Variants in STXBP5 observed in about 807,000 individuals in gnomAD.
The protein encoded by STXBP5 is syntaxin binding protein 5, also known as syntaxin-binding protein 5.
In STXBP5, 50 loss-of-function variants were observed where a neutral mutation model predicts 152.4. The observed-to-expected ratio is 0.33, with a 90% CI of 0.26 to 0.42. The LOEUF is 0.42. Among genes scored for constraint, STXBP5 ranks in the 10% least tolerant of loss-of-function variants. The pLI is 1.00. For synonymous variants in STXBP5, 492 were observed against 494.7 expected, an observed-to-expected ratio of 0.99 and a Z score of 0.07; for missense variants, 1,167 against 1,388.6, an observed-to-expected ratio of 0.84 and a Z score of 2.54.
chr6:147,224,293 G>A (rs1777602227), intron 2 of STXBP5, among the ~76,000 whole-genome samples: 1 of 152,276 alleles, frequency 6.6e-6, no homozygotes, highest in South Asian at 2.1e-4. Flanking sequence ...GGGCATGGTG[G>A]TGCATGCCTG....
chr6:147,257,938 C>T (rs1779453584), intron 4 of STXBP5, among the ~76,000 whole-genome samples: 1 of 152,148 alleles, frequency 6.6e-6, no homozygotes, highest in Non-Finnish European at 1.5e-5. Flanking sequence ...TATCTGGCTG[C>T]ACGACTAGGT....
chr6:147,276,464 T>C (rs1049658822), intron 7 of STXBP5, among the ~76,000 whole-genome samples: 1 of 152,120 alleles, frequency 6.6e-6, no homozygotes, highest in African/African-American at 2.4e-5. Context: ...AGATACACAT[T>C]GTTTTCTTTA....
At chr6:147,301,372 T>C (rs1411581136) in intron 9 of STXBP5, among the ~76,000 whole-genome samples, 1 of 152,196 alleles carries the variant, frequency 6.6e-6, no homozygotes, top group East Asian at 1.9e-4. Flanking sequence ...ATTATGGCAC[T>C]TGGTCTTACG....
Position 147,267,079 on chromosome 6 carries a change from C to T in STXBP5, c.631-5C>T. The T allele has an allele frequency of 6.2e-7, 1 of 1,604,178 alleles. No individual in the cohort carries two copies. Among genetic ancestry groups the T allele is most frequent in the South Asian group, 1.1e-5 (1 of 88,636 alleles). On this transcript the variant is annotated splice_polypyrimidine_tract_variant and splice_region_variant and intron_variant, in intron 6 of 27. Coordinates refer to ENST00000321680, the MANE Select transcript of STXBP5 (RefSeq NM_001127715.4). Reference sequence around the variant, plus strand: ...TAGGTAATGTGCCTTTTTCTTTTATCACAGCTTTTGATTGGCTTTGAATCT... The same window carrying T: ...TAGGTAATGTGCCTTTTTCTTTTATTACAGCTTTTGATTGGCTTTGAATCT...
chr6:147,270,121 G>A (rs910090219), intron 7 of STXBP5, among the ~76,000 whole-genome samples: 2 of 152,026 alleles, frequency 1.3e-5, no homozygotes, highest in Admixed American at 6.6e-5. Flanking sequence ...AGCAGAGGCC[G>A]GGTGCGGTGG....
intron 8 of STXBP5, among the ~76,000 whole-genome samples, chr6:147,278,437 T>C (rs1396021697): frequency 6.6e-6 from 1 of 152,128 alleles, no homozygotes; most frequent in East Asian, 1.9e-4. Flanking sequence ...TTTTAGAAAA[T>C]GTTATATTAT....
chr6:147,383,101 C>A, intron 27 of STXBP5, 103 bp downstream of exon 27: 1 of 1,316,222 alleles, frequency 7.6e-7, no homozygotes, highest in Non-Finnish European at 1.0e-6. Flanking sequence ...CATGAATTTG[C>A]ATATATTCAT....
At chr6:147,335,692 C>G (rs1278421503) in intron 19 of STXBP5, among the ~76,000 whole-genome samples, 2 of 151,866 alleles carry the variant, frequency 1.3e-5, no homozygotes, top group Non-Finnish European at 2.9e-5. Flanking sequence ...CCCAGCTACT[C>G]GGGAGGCTGA....
At chr6:147,332,488 C>G (rs1189255430) in intron 18 of STXBP5, among the ~76,000 whole-genome samples, 1 of 152,156 alleles carries the variant, frequency 6.6e-6, no homozygotes, top group Non-Finnish European at 1.5e-5. Flanking sequence ...GGAAAACAGT[C>G]AGTCAAACAA....
intron 22 of STXBP5, among the ~76,000 whole-genome samples, chr6:147,357,243 C>T (rs1784857002): frequency 6.6e-6 from 1 of 151,966 alleles, no homozygotes; most frequent in African/African-American, 2.4e-5. Flanking sequence ...TTGACAGTAA[C>T]TGAAGTGGAA....
intron 10 of STXBP5, among the ~76,000 whole-genome samples, chr6:147,310,925 G>T (rs1016720474): frequency 2.0e-5 from 3 of 151,852 alleles, no homozygotes; most frequent in Non-Finnish European, 4.4e-5. Flanking sequence ...CCAAACAGCT[G>T]GGGGCACCAT....
At chr6:147,213,473 T>TGC (rs1402421132) in intron 2 of STXBP5, among the ~76,000 whole-genome samples, 1 of 126,426 alleles carries the variant, frequency 7.9e-6, no homozygotes, top group Non-Finnish European at 1.8e-5. Flanking sequence ...TGTGTGTGTG[T>TGC]GTGTGCGCGC....
chr6:147,348,088 T>C (rs1487895252), intron 21 of STXBP5, among the ~76,000 whole-genome samples: 2 of 152,194 alleles, frequency 1.3e-5, no homozygotes, highest in Non-Finnish European at 1.5e-5. Flanking sequence ...TAACAATTGC[T>C]CTCTGAAGTT....
chr6:147,275,988 CATGAATT>C (rs1582878305), intron 7 of STXBP5, among the ~76,000 whole-genome samples: 2 of 152,280 alleles, frequency 1.3e-5, no homozygotes, highest in African/African-American at 4.8e-5. Flanking sequence ...TATCTTCTCC[CATGAATT>C]ATTCAGATTT....
At chr6:147,222,939 G>T (rs1382942664) in intron 2 of STXBP5, among the ~76,000 whole-genome samples, 2 of 152,184 alleles carry the variant, frequency 1.3e-5, no homozygotes, top group African/African-American at 2.4e-5. Context: ...TTTCACAGAG[G>T]TTTGTGCTTA....
At chr6:147,362,233 GT>G (rs1785100803) in intron 23 of STXBP5, among the ~76,000 whole-genome samples, 1 of 152,078 alleles carries the variant, frequency 6.6e-6, no homozygotes, top group African/African-American at 2.4e-5. Context: ...CTTCTAAAAT[GT>G]TTTGAGAAAA....
In STXBP5 at chr6:147,387,193, A is replaced by G. The variant is rs1253435583; in HGVS notation, c.*2438A>G. On this transcript the variant is annotated 3_prime_UTR_variant, in exon 28 of 28. Coordinates refer to ENST00000321680, the MANE Select transcript of STXBP5 (RefSeq NM_001127715.4). ...TTGATTCTGTCTGTAGATAAGAGACAGTCTACAGTAATAACTAACCCAGGG... is the reference window on the plus strand; with the variant it reads ...TTGATTCTGTCTGTAGATAAGAGACGGTCTACAGTAATAACTAACCCAGGG... 1.3e-5 allele frequency: 2 copies of G among 151,726 alleles called. No individual in the cohort carries two copies. The highest frequency in any genetic ancestry group is 3.0e-5 in the Non-Finnish European group (2 of 67,732). 9.4% of individuals were successfully genotyped at this position (151,726 alleles called of 1,614,324 possible).
intron 4 of STXBP5, among the ~76,000 whole-genome samples, chr6:147,256,926 C>T (rs1328280396): frequency 1.3e-5 from 2 of 152,028 alleles, no homozygotes; most frequent in Non-Finnish European, 2.9e-5. Context: ...TGTACATATT[C>T]TTCTGTCAAA....
intron 9 of STXBP5, among the ~76,000 whole-genome samples, chr6:147,308,302 A>C (rs555585462): frequency 3.9e-5 from 6 of 152,332 alleles, no homozygotes; most frequent in African/African-American, 1.4e-4. Flanking sequence ...TGAGAGGTTG[A>C]AACACTGAAT....
Sources: gnomAD v4.1 joint callset for allele counts (sites outside exome capture counted in the v4.1 genomes callset) on GRCh38, gnomAD v4.1.1 for gene constraint, MANE v1.5 for transcripts, NCBI Gene and HGNC (gene_info 2026-07-23, HGNC 2026-07-21) for gene names.